PLCXD3: variants seen among roughly 807,000 people sequenced by gnomAD.
PLCXD3 encodes the protein PI-PLC X domain-containing protein 3.
In PLCXD3, 19 loss-of-function variants were observed where a neutral mutation model predicts 25.5. That is an observed-to-expected ratio of 0.75 (90% CI 0.52 to 1.09). The LOEUF (loss-of-function observed/expected upper bound fraction) is 1.09. Among genes scored for constraint, PLCXD3 ranks in the 50% least tolerant of loss-of-function variants. The pLI is 0.00. For synonymous variants in PLCXD3, 174 were observed against 137.6 expected, an observed-to-expected ratio of 1.26 and a Z score of -1.85; for missense variants, 411 against 388.1, an observed-to-expected ratio of 1.06 and a Z score of -0.50.
chr5:41,435,998 T>C (rs1747245403), intron 1 of PLCXD3, among the ~76,000 whole-genome samples: 2 of 151,982 alleles, frequency 1.3e-5, no homozygotes, highest in Non-Finnish European at 1.5e-5. Context: ...CCCTAACACA[T>C]TGGTTGGGGG....
intron 1 of PLCXD3, among the ~76,000 whole-genome samples, chr5:41,479,861 T>A (rs1748360655): frequency 1.3e-5 from 2 of 152,188 alleles, no homozygotes; most frequent in Admixed American, 1.3e-4. Context: ...TCATTACATA[T>A]AAGTATTTGC....
intron 1 of PLCXD3, among the ~76,000 whole-genome samples, chr5:41,486,104 G>A (rs1333732255): frequency 6.6e-6 from 1 of 152,136 alleles, no homozygotes; most frequent in African/African-American, 2.4e-5. Flanking sequence ...ACAATCCAGG[G>A]CTGAAGAACT....
chr5:41,436,584 A>T (rs2150510373), intron 1 of PLCXD3, among the ~76,000 whole-genome samples: 1 of 152,292 alleles, frequency 6.6e-6, no homozygotes, highest in South Asian at 2.1e-4. Flanking sequence ...TCTACTAAGA[A>T]ATTCCAACTA....
At chr5:41,386,918 G>A (rs963949559) in intron 1 of PLCXD3, among the ~76,000 whole-genome samples, 1 of 151,634 alleles carries the variant, frequency 6.6e-6, no homozygotes, top group Admixed American at 6.6e-5. Context: ...CTGTCCATAA[G>A]CATCATAAAG....
intron 1 of PLCXD3, among the ~76,000 whole-genome samples, chr5:41,390,314 ACTGT>A: frequency 7.1e-6 from 1 of 141,302 alleles, no homozygotes. Context: ...TCTGAACAAA[ACTGT>A]TCATTGCTGA....
At chr5:41,414,026 G>A (rs1746631618) in intron 1 of PLCXD3, among the ~76,000 whole-genome samples, 2 of 151,998 alleles carry the variant, frequency 1.3e-5, no homozygotes, top group Admixed American at 1.3e-4. Context: ...GGACTTTTGA[G>A]TTTTTTTAGA....
intron 1 of PLCXD3, among the ~76,000 whole-genome samples, chr5:41,386,785 T>A (rs1214581240): frequency 6.6e-6 from 1 of 151,860 alleles, no homozygotes; most frequent in African/African-American, 2.4e-5. Context: ...ATCTGAACAA[T>A]CAGCAGCAAC....
intron 1 of PLCXD3, among the ~76,000 whole-genome samples, chr5:41,485,557 C>G (rs986445062): frequency 6.6e-6 from 1 of 152,116 alleles, no homozygotes; most frequent in Non-Finnish European, 1.5e-5. Context: ...TCCTCCTGCA[C>G]AATCCCAATC....
chr5:41,497,263 C>T (rs1748862999), intron 1 of PLCXD3, among the ~76,000 whole-genome samples: 1 of 151,766 alleles, frequency 6.6e-6, no homozygotes, highest in South Asian at 2.1e-4. Context: ...AATAACAATT[C>T]ATAAGACATA....
At chr5:41,333,027 T>G (rs958868072) in intron 2 of PLCXD3, among the ~76,000 whole-genome samples, 1 of 152,100 alleles carries the variant, frequency 6.6e-6, no homozygotes, top group African/African-American at 2.4e-5. Flanking sequence ...CACACCAGCA[T>G]GGCACATGTA....
intron 1 of PLCXD3, among the ~76,000 whole-genome samples, chr5:41,502,833 G>A (rs901425175): frequency 6.6e-6 from 1 of 152,174 alleles, no homozygotes; most frequent in Non-Finnish European, 1.5e-5. Context: ...CTCCAAAGGT[G>A]TGAATCTCAT....
intron 2 of PLCXD3, among the ~76,000 whole-genome samples, chr5:41,364,977 C>A (rs1194680703): frequency 6.6e-6 from 1 of 152,168 alleles, no homozygotes; most frequent in Non-Finnish European, 1.5e-5. Flanking sequence ...TCTCAGGGAA[C>A]TTGCTAAATT....
chr5:41,475,705 C>T (rs542060859), intron 1 of PLCXD3: 24 of 534,752 alleles, frequency 4.5e-5, no homozygotes, highest in East Asian at 1.1e-4. Flanking sequence ...ACCATCACTA[C>T]GACAGTTACT....
chr5:41,319,911 A>G (rs1580296406), intron 2 of PLCXD3, among the ~76,000 whole-genome samples: 1 of 152,178 alleles, frequency 6.6e-6, no homozygotes, highest in Non-Finnish European at 1.5e-5. Flanking sequence ...AAAATCAGAA[A>G]TGGAAAAGAG....
intron 2 of PLCXD3, among the ~76,000 whole-genome samples, chr5:41,352,270 T>A (rs1744484681): frequency 6.6e-6 from 1 of 152,212 alleles, no homozygotes; most frequent in Non-Finnish European, 1.5e-5. Context: ...ATCTTGCCCA[T>A]GAACATCCTT....
At chr5:41,451,931 T>A (rs1043167968) in intron 1 of PLCXD3, among the ~76,000 whole-genome samples, 4 of 152,198 alleles carry the variant, frequency 2.6e-5, no homozygotes, top group African/African-American at 9.6e-5. Context: ...ATTTACCCAA[T>A]TCTCAAATGA....
chr5:41,445,854 A>G (rs1561275794), intron 1 of PLCXD3, among the ~76,000 whole-genome samples: 1 of 152,156 alleles, frequency 6.6e-6, no homozygotes, highest in Non-Finnish European at 1.5e-5. Context: ...TAATTAATTA[A>G]AAAGTAACAA....
At chr5:41,498,676 C>A (rs1206360651) in intron 1 of PLCXD3, among the ~76,000 whole-genome samples, 3 of 151,660 alleles carry the variant, frequency 2.0e-5, no homozygotes, top group African/African-American at 7.2e-5. Context: ...TACACTGATA[C>A]CAAAGGCAGA....
At chr5:41,380,743 C>T (rs1048006199) in intron 2 of PLCXD3, among the ~76,000 whole-genome samples, 5 of 151,992 alleles carry the variant, frequency 3.3e-5, no homozygotes, top group East Asian at 1.9e-4. Context: ...TAGCATAATT[C>T]GAAATGTCAG....
Sources: gnomAD v4.1 joint callset for allele counts (sites outside exome capture counted in the v4.1 genomes callset) on GRCh38, gnomAD v4.1.1 for gene constraint, MANE v1.5 for transcripts, NCBI Gene and HGNC (gene_info 2026-07-23, HGNC 2026-07-21) for gene names.